The following DAAM2 variants were observed in gnomAD, a reference collection of about 807,000 sequenced individuals.
DAAM2 encodes the protein disheveled-associated activator of morphogenesis 2.
DAAM2 carries 39 observed loss-of-function variants against 120.7 expected under a neutral mutation model. The ratio of observed to expected loss-of-function variants is 0.32; its 90% confidence interval spans 0.25 to 0.42. The LOEUF (loss-of-function observed/expected upper bound fraction) is 0.42. Among genes scored for constraint, DAAM2 ranks in the 10% least tolerant of loss-of-function variants. DAAM2 has a pLI of 1.00. For missense variants in DAAM2, 1,283 were observed against 1,401.7 expected (o/e 0.92, Z 1.35); for synonymous variants, 488 against 524.9 (o/e 0.93, Z 0.96).
At chr6:39,836,480 G>A (rs953668300) in intron 1 of DAAM2, among the ~76,000 whole-genome samples, 4 of 149,490 alleles carry the variant, frequency 2.7e-5, no homozygotes, top group East Asian at 3.9e-4. Context: ...GACAAATGAA[G>A]ACACTGAGCC....
At chr6:39,799,610 G>A (rs905666678) in intron 1 of DAAM2, among the ~76,000 whole-genome samples, 1 of 152,028 alleles carries the variant, frequency 6.6e-6, no homozygotes, top group African/African-American at 2.4e-5. Flanking sequence ...ATGAACGATT[G>A]GGAGCTGCCT....
chr6:39,818,206 ACTT>A (rs1249962522), intron 1 of DAAM2, among the ~76,000 whole-genome samples: 1 of 149,938 alleles, frequency 6.7e-6, no homozygotes, highest in Admixed American at 6.7e-5. Context: ...AAAAAAAAAA[ACTT>A]CACAGTAACC....
chr6:39,851,228 G>T (rs988818386), intron 1 of DAAM2, among the ~76,000 whole-genome samples: 1 of 152,148 alleles, frequency 6.6e-6, no homozygotes, highest in African/African-American at 2.4e-5. Context: ...ATACTTTCTG[G>T]ACGTGTGCCT....
chr6:39,829,671 T>C (rs193226802), intron 1 of DAAM2, among the ~76,000 whole-genome samples: 14 of 152,324 alleles, frequency 9.2e-5, no homozygotes, highest in African/African-American at 2.6e-4. Context: ...TGTTTATTCA[T>C]TGGCACACTC....
Position 39,879,214 on chromosome 6 carries a change from C to T in DAAM2, c.1582C>T (p.Pro528Ser). ...ATCTTCCCCACCACCCCCTGGGGGC[C>T]CACTCACCTTGTCTTCCTCAATGAC... The part of the protein sequence containing the change: ...PVSSPPPPGG[P>S]LTLSSSMTTN... Residue 528 changes from proline (P) to serine (S), a missense_variant, in exon 14 of 25, where the codon CCA becomes TCA. By Grantham distance (74) the Pro-to-Ser change is moderately conservative. This residue lies in a region of DAAM2 where 748 missense variants were observed against 768.6 expected (regional missense o/e 0.97). Transcript: ENST00000274867. 1 of 1,550,178 alleles carries T rather than the reference C, an allele frequency of 6.5e-7. No homozygotes were observed. The highest frequency in any genetic ancestry group is 8.7e-7 in the Non-Finnish European group (1 of 1,146,250).
chr6:39,891,495 G>C, intron 18 of DAAM2, 48 bp downstream of exon 18: 1 of 1,514,528 alleles, frequency 6.6e-7, no homozygotes. Context: ...GGTTCTGGCA[G>C]GTGGGGCAGG....
intron 1 of DAAM2, among the ~76,000 whole-genome samples, chr6:39,815,710 C>T (rs1044171348): frequency 9.9e-5 from 15 of 151,428 alleles, no homozygotes; most frequent in East Asian, 3.9e-4. Flanking sequence ...TTCATGAATG[C>T]GGTGAACTTT....
intron 14 of DAAM2, among the ~76,000 whole-genome samples, chr6:39,880,386 G>C (rs1045048030): frequency 6.6e-6 from 1 of 152,184 alleles, no homozygotes; most frequent in Non-Finnish European, 1.5e-5. Flanking sequence ...TGCTAAGTAG[G>C]TGGTCAGCTA....
intron 1 of DAAM2, among the ~76,000 whole-genome samples, chr6:39,797,215 G>T (rs543092157): frequency 2.0e-5 from 3 of 152,302 alleles, no homozygotes; most frequent in African/African-American, 7.2e-5. Context: ...CATAGAGCTT[G>T]TTTAAAAAGC....
chr6:39,867,886 A>G, intron 6 of DAAM2, 43 bp downstream of exon 6: 1 of 1,492,778 alleles, frequency 6.7e-7, no homozygotes, highest in Non-Finnish European at 9.0e-7. Context: ...TGGGTGGGGC[A>G]GAGGATGTCA....
At chr6:39,870,513 C>A in intron 8 of DAAM2, 70 bp downstream of exon 8, 2 of 1,000,338 alleles carry the variant, frequency 2.0e-6, no homozygotes, top group Non-Finnish European at 1.5e-6. Context: ...TAGTTGGGAC[C>A]TTTGTGAAGG....
chr6:39,904,679 G>C lies in DAAM2; in HGVS notation c.*2642G>C. 1 of 453,454 alleles carries C rather than the reference G, an allele frequency of 2.2e-6. No homozygotes were observed. The highest frequency in any genetic ancestry group is 4.4e-6 in the Non-Finnish European group (1 of 226,740). The allele number at this position is 453,454 out of a possible 1,614,324, so 28.1% of individuals were successfully genotyped here. A position where few individuals can be genotyped will look rare whatever the true frequency, so the allele number is the denominator to read the frequency against. ...ACTCCCATCCCATTTCCACCAACTG[G>C]GGAACTGTGACTATCTATCTCCCCC... On this transcript the variant is annotated 3_prime_UTR_variant, in exon 25 of 25. Transcript: ENST00000274867.
intron 1 of DAAM2, among the ~76,000 whole-genome samples, chr6:39,839,311 C>T (rs913067133): frequency 2.6e-5 from 4 of 152,202 alleles, no homozygotes; most frequent in Admixed American, 1.3e-4. Flanking sequence ...AATGCAGATT[C>T]GTAGGTCTTC....
At chr6:39,887,751 T>C (rs1765464086) in intron 16 of DAAM2, 159 bp downstream of exon 16, 1 of 578,404 alleles carries the variant, frequency 1.7e-6, no homozygotes, top group Non-Finnish European at 3.1e-6. Flanking sequence ...TGAGCAGCAG[T>C]TTGGGGCTCT....
At position 39,864,449 on chromosome 6, in the gene DAAM2, A is replaced by T; in HGVS notation, c.275A>T (p.Asn92Ile). Reference sequence around the variant, plus strand: ...TTGTTTCAGGAGCAGGAGGACCCCAACAAGCTGGCAACCAGCTGGCCTGAC... The same window carrying T: ...TTGTTTCAGGAGCAGGAGGACCCCATCAAGCTGGCAACCAGCTGGCCTGAC... ...CSKKKEQEDPNKLATSWPDYY... is the reference protein window; with the variant it reads ...CSKKKEQEDPIKLATSWPDYY... Residue 92 changes from asparagine (N) to isoleucine (I), a missense_variant, in exon 4 of 25, where the codon AAC becomes ATC. By Grantham distance (149) the Asn-to-Ile change is moderately radical. This residue lies in a region of DAAM2 where 197 missense variants were observed against 189.3 expected (regional missense o/e 1.04). Transcript: ENST00000274867. 6.2e-7 allele frequency: 1 copy of T among 1,612,970 alleles called. No individual in the cohort carries two copies. The highest frequency in any genetic ancestry group is 8.5e-7 in the Non-Finnish European group (1 of 1,179,756).
Position 39,878,417 on chromosome 6 carries a change from T to C in DAAM2, c.1374T>C (p.Leu458=), listed in dbSNP as rs1764961648. ...AEKFRKEHME[L]VSRLERKERE... is the part of the protein sequence containing the mutation. The stretch of plus-strand genomic sequence containing the variant: ...CCCCCATTCCAGAACACATGGAGCT[T>C]GTGAGCCGTCTGGAGAGGAAGGAGC... Residue 458 remains leucine (L), a synonymous_variant, in exon 13 of 25, where the codon CTT becomes CTC. Coordinates refer to ENST00000274867, the MANE Select transcript of DAAM2 (RefSeq NM_001201427.2). This position sits in a 1 kb window ranked among gnomAD's most constrained non-coding sequence, Gnocchi z 5.0. The C allele has an allele frequency of 4.3e-6, 7 of 1,612,054 alleles. No homozygotes were observed. Among genetic ancestry groups the C allele is most frequent in the Non-Finnish European group, 5.9e-6 (7 of 1,178,986 alleles).
intron 1 of DAAM2, among the ~76,000 whole-genome samples, chr6:39,853,758 C>G (rs1763899387): frequency 6.6e-6 from 1 of 152,220 alleles, no homozygotes; most frequent in Non-Finnish European, 1.5e-5. Flanking sequence ...GTCATCCCAG[C>G]CTCCCCGCTG....
intron 1 of DAAM2, among the ~76,000 whole-genome samples, chr6:39,816,431 AT>A (rs1762312226): frequency 6.6e-6 from 1 of 152,238 alleles, no homozygotes; most frequent in East Asian, 1.9e-4. Flanking sequence ...TATCTTTTGT[AT>A]ATAGGAGGCT....
intron 1 of DAAM2, among the ~76,000 whole-genome samples, chr6:39,801,584 G>T (rs562604731): frequency 4.1e-4 from 63 of 152,338 alleles, no homozygotes; most frequent in African/African-American, 1.5e-3. Flanking sequence ...TGACTGCATG[G>T]CTGTCTGCCA....
Sources: gnomAD v4.1 joint callset for allele counts (sites outside exome capture counted in the v4.1 genomes callset) on GRCh38, gnomAD v4.1.1 for gene constraint, gnomAD v4.1.1 regional missense constraint, Gnocchi (gnomAD v3.1) non-coding constraint, MANE v1.5 for transcripts, NCBI Gene and HGNC (gene_info 2026-07-23, HGNC 2026-07-21) for gene names.